Variants in CREB5 observed in about 807,000 individuals in gnomAD.
CREB5 encodes cyclic AMP-responsive element-binding protein 5.
In CREB5, 19 loss-of-function variants were observed where a neutral mutation model predicts 57.1. The ratio of observed to expected loss-of-function variants is 0.33; its 90% CI spans 0.23 to 0.49. CREB5 has a LOEUF of 0.49. Ranked by LOEUF, CREB5 falls within the 20% of genes least tolerant of loss-of-function variation. The pLI, the probability that CREB5 is intolerant of heterozygous loss-of-function variation, is 0.99. For missense variants in CREB5, 579 were observed against 671.6 expected (o/e 0.86, Z 1.52); for synonymous variants, 238 against 238.3 (o/e 1.00, Z 0.01).
chr7:28,333,104 A>G (rs1039438655), intron 1 of CREB5, among the ~76,000 whole-genome samples: 1 of 152,248 alleles, frequency 6.6e-6, no homozygotes, highest in East Asian at 1.9e-4. Context: ...TAACCTGAAC[A>G]GCTATGAAGT....
At chr7:28,803,221 C>T (rs1328684112) in intron 7 of CREB5, among the ~76,000 whole-genome samples, 1 of 152,062 alleles carries the variant, frequency 6.6e-6, no homozygotes, top group African/African-American at 2.4e-5. Context: ...TTCCTCACTC[C>T]CTTCTCAAAG....
At chr7:28,521,360 T>G (rs930453998) in intron 4 of CREB5, among the ~76,000 whole-genome samples, 1 of 152,168 alleles carries the variant, frequency 6.6e-6, no homozygotes, top group Admixed American at 6.5e-5. Context: ...GGGTGTGCAC[T>G]GACATTTTGG....
chr7:28,800,756 A>T (rs975249186), intron 7 of CREB5, among the ~76,000 whole-genome samples: 1 of 152,190 alleles, frequency 6.6e-6, no homozygotes, highest in Non-Finnish European at 1.5e-5. Flanking sequence ...TAACACTTGC[A>T]CGTGGCCATT....
chr7:28,429,537 T>G (rs1188525610), intron 1 of CREB5, among the ~76,000 whole-genome samples: 3 of 152,182 alleles, frequency 2.0e-5, no homozygotes, highest in African/African-American at 7.2e-5. Flanking sequence ...ATCCTTACTG[T>G]TTTTCTTATC....
intron 5 of CREB5, among the ~76,000 whole-genome samples, chr7:28,588,446 T>C (rs2128662001): frequency 6.6e-6 from 1 of 152,228 alleles, no homozygotes; most frequent in East Asian, 1.9e-4. Flanking sequence ...ACTATATTGG[T>C]GTAAGTATGC....
intron 1 of CREB5, 139 bp downstream of exon 1, chr7:28,413,056 C>A: frequency 1.5e-6 from 1 of 657,518 alleles, no homozygotes; most frequent in Non-Finnish European, 2.3e-6. Flanking sequence ...TTGCTTTTGT[C>A]AGTTTCCTGG....
intron 7 of CREB5, among the ~76,000 whole-genome samples, chr7:28,773,601 A>G (rs971538808): frequency 6.6e-6 from 1 of 152,230 alleles, no homozygotes; most frequent in African/African-American, 2.4e-5. Context: ...TGATACCTGA[A>G]TGAATGGGCA....
intron 1 of CREB5, among the ~76,000 whole-genome samples, chr7:28,397,580 A>G (rs1326392359): frequency 6.6e-6 from 1 of 152,194 alleles, no homozygotes; most frequent in African/African-American, 2.4e-5. Context: ...AGAGTAATTA[A>G]AGTCTCACAT....
Position 28,527,468 on chromosome 7 carries a change from A to G in CREB5, c.291+19731A>G, listed in dbSNP as rs1433101032. 3.3e-5 allele frequency among the ~76,000 whole-genome samples: 5 copies of G among 152,180 alleles called. No homozygotes were observed. The South Asian group carries it at 1.0e-3, about 32-fold the overall frequency. ...TCTGTCCAGCCTGTGGCAAGTTCCC[A>G]GATGATGCTGATGCTGCTGGTCTGG... On this transcript the variant is annotated intron_variant, in intron 4 of 10. Transcript: ENST00000357727.
chr7:28,671,261 G>GAA (rs565901522), intron 5 of CREB5, among the ~76,000 whole-genome samples: 1 of 134,620 alleles, frequency 7.4e-6, no homozygotes. Context: ...GTCTCAAAAA[G>GAA]AAAAAAAAAA....
At chr7:28,322,616 G>C (rs1164724352) in intron 1 of CREB5, among the ~76,000 whole-genome samples, 1 of 150,936 alleles carries the variant, frequency 6.6e-6, no homozygotes, top group Non-Finnish European at 1.5e-5. Context: ...TCCCCGACAG[G>C]CTCTGGTGTA....
intron 4 of CREB5, among the ~76,000 whole-genome samples, chr7:28,564,880 T>C (rs892791927): frequency 7.2e-5 from 11 of 152,122 alleles, no homozygotes; most frequent in African/African-American, 2.7e-4. Flanking sequence ...TGAATCAGAG[T>C]CTAAAAAGTC....
chr7:28,445,666 C>T (rs1789415645), intron 1 of CREB5, among the ~76,000 whole-genome samples: 1 of 152,070 alleles, frequency 6.6e-6, no homozygotes, highest in Non-Finnish European at 1.5e-5. Context: ...ATTCTCCTGC[C>T]TCAGCCTCCC....
chr7:28,693,534 AG>A (rs1259188433), intron 5 of CREB5, among the ~76,000 whole-genome samples: 32 of 151,936 alleles, frequency 2.1e-4, no homozygotes, highest in Non-Finnish European at 4.4e-4. Context: ...AAAAAAAAAA[AG>A]AAAAAAAATG....
At chr7:28,318,344 T>C (rs921751275) in intron 1 of CREB5, among the ~76,000 whole-genome samples, 1 of 152,198 alleles carries the variant, frequency 6.6e-6, no homozygotes. Context: ...CCTCAGCAAA[T>C]AAGATGCAGA....
chr7:28,763,632 C>T (rs1345702731), intron 7 of CREB5, among the ~76,000 whole-genome samples: 2 of 151,956 alleles, frequency 1.3e-5, no homozygotes, highest in East Asian at 1.9e-4. Flanking sequence ...TAAGAAGGGC[C>T]CTTGAATATA....
chr7:28,324,322 C>A (rs1023820235), intron 1 of CREB5, among the ~76,000 whole-genome samples: 5 of 152,166 alleles, frequency 3.3e-5, no homozygotes, highest in Admixed American at 2.0e-4. Context: ...TCCCTCACTT[C>A]AGTTCTCTGC....
In CREB5 at chr7:28,710,353, C is replaced by CCTTTTT. The variant is rs775390088; in HGVS notation, c.465-8400_465-8399insCTTTTT. On this transcript the variant is annotated intron_variant, in intron 5 of 10. Coordinates refer to ENST00000357727, the MANE Select transcript of CREB5 (RefSeq NM_182898.4). ...TATTTATGTTTTCATTAATAAAAGACATATTTATTAAGCACCTACTAGGTA... is the reference window on the plus strand; with the variant it reads ...TATTTATGTTTTCATTAATAAAAGACCTTTTTATATTTATTAAGCACCTACTAGGTA... 5.5e-4 allele frequency among the ~76,000 whole-genome samples: 83 copies of CCTTTTT among 152,248 alleles called. No homozygotes were observed. In the East Asian group the frequency reaches 9.8e-3, roughly 18 times the overall value.
chr7:28,301,712 A>G (rs932556377), intron 1 of CREB5, among the ~76,000 whole-genome samples: 1 of 152,246 alleles, frequency 6.6e-6, no homozygotes, highest in Non-Finnish European at 1.5e-5. Flanking sequence ...TAATCTTAGA[A>G]TTAATTGTAG....
Sources: gnomAD v4.1 joint callset for allele counts (sites outside exome capture counted in the v4.1 genomes callset) on GRCh38, gnomAD v4.1.1 for gene constraint, MANE v1.5 for transcripts, NCBI Gene and HGNC (gene_info 2026-07-23, HGNC 2026-07-21) for gene names.